ATP8B2: variants seen among roughly 807,000 people sequenced by gnomAD.
The protein encoded by ATP8B2 is ATPase phospholipid transporting 8B2.
In ATP8B2, 70 loss-of-function variants were observed where a neutral mutation model predicts 133.4. The observed-to-expected ratio is 0.52, with a 90% CI of 0.43 to 0.64. ATP8B2 has a LOEUF of 0.64. Among genes scored for constraint, ATP8B2 ranks in the 30% least tolerant of loss-of-function variants. The pLI, the probability that ATP8B2 is intolerant of heterozygous loss-of-function variation, is 0.00. For missense variants in ATP8B2, 1,101 were observed against 1,535.7 expected (o/e 0.72, Z 4.73); for synonymous variants, 517 against 589.5 (o/e 0.88, Z 1.78).
Position 154,344,528 on chromosome 1 carries a change from G to C in ATP8B2, c.2141+28G>C. On this transcript the variant is annotated intron_variant, in intron 20 of 27. Transcript: ENST00000368489. This position sits in a 1 kb window ranked among gnomAD's most constrained non-coding sequence, Gnocchi z 4.1. ...AAACAAGAAGCCCAGGGGAGGCGGT[G>C]CTGTGCGTTGTGCCCAGGGCTCAGG... The C allele has an allele frequency of 6.2e-7, 1 of 1,614,056 alleles. No individual in the cohort carries two copies. Among genetic ancestry groups the C allele is most frequent in the Non-Finnish European group, 8.5e-7 (1 of 1,179,978 alleles).
chr1:154,327,171 T>C (rs1197519841), intron 1 of ATP8B2, among the ~76,000 whole-genome samples: 1 of 152,114 alleles, frequency 6.6e-6, no homozygotes, highest in African/African-American at 2.4e-5. Context: ...GGGGTGTGCC[T>C]GGTAGGCTAA....
rs1686529559 is a variant in ATP8B2 at position 154,344,925 on chromosome 1, G to T, written c.2287-46G>T. 1 of 1,573,752 alleles carries T rather than the reference G, an allele frequency of 6.4e-7. No individual in the cohort carries two copies. Among genetic ancestry groups the T allele is most frequent in the African/African-American group, 1.4e-5 (1 of 73,748 alleles). On this transcript the variant is annotated intron_variant, in intron 21 of 27. Coordinates refer to ENST00000368489, the MANE Select transcript of ATP8B2 (RefSeq NM_001370597.1). This position sits in a 1 kb window ranked among gnomAD's most constrained non-coding sequence, Gnocchi z 4.1. ...GACTGGGAGGAGCTGAGACTCCCAG[G>T]TGTCTCCTGGAAAGACTGGCTCTCT...
chr1:154,329,929 T>C (rs112699507), intron 2 of ATP8B2, among the ~76,000 whole-genome samples: 2,398 of 152,192 alleles, frequency 0.016, 79 homozygotes, highest in African/African-American at 0.055. Context: ...GCCTCCTTCT[T>C]GCCACCTACC....
In ATP8B2 at chr1:154,331,442, A is replaced by C; in HGVS notation, c.304-2A>C. The C allele has an allele frequency of 6.2e-7, 1 of 1,613,904 alleles. No homozygotes were observed. Among genetic ancestry groups the C allele is most frequent in the East Asian group, 2.2e-5 (1 of 44,886 alleles). ...CTTACCTTTCAGTTTTCTTCTTTTC[A>C]GTTCCGCCACAAGAGCGATAACCAG... is the stretch of plus-strand genomic sequence containing the variant. On this transcript the variant is annotated splice_acceptor_variant, in intron 5 of 27. Coordinates refer to ENST00000368489, the MANE Select transcript of ATP8B2 (RefSeq NM_001370597.1). LOFTEE classifies it high-confidence loss of function. This position sits in a 1 kb window ranked among gnomAD's most constrained non-coding sequence, Gnocchi z 4.8.
rs1041834669 is a variant in ATP8B2, at chr1:154,345,181, G to C, written c.2470+27G>C. The C allele has an allele frequency of 1.9e-6, 3 of 1,607,336 alleles. No individual in the cohort carries two copies. Among genetic ancestry groups the C allele is most frequent in the Non-Finnish European group, 2.6e-6 (3 of 1,175,404 alleles). On this transcript the variant is annotated intron_variant, in intron 22 of 27. Transcript: ENST00000368489. The surrounding 1 kb of genome is among the most constrained non-coding windows in gnomAD (Gnocchi z 5.6). ...TGAGTGTGGGCTGTGCAGGTGTGTAGGCTGGGCTTGAGGCTGGGGAGGGGC... is the reference window on the plus strand; with the variant it reads ...TGAGTGTGGGCTGTGCAGGTGTGTACGCTGGGCTTGAGGCTGGGGAGGGGC...
chr1:154,341,918 G>A, intron 13 of ATP8B2: 1 of 155,142 alleles, frequency 6.4e-6, no homozygotes, highest in Non-Finnish European at 1.4e-5. Flanking sequence ...TGGCCTCTGG[G>A]CATCCTGGCC....
chr1:154,337,236 C>A, intron 11 of ATP8B2, 112 bp from the exon 12 acceptor site: 1 of 1,271,146 alleles, frequency 7.9e-7, no homozygotes, highest in Non-Finnish European at 1.1e-6. Context: ...GACAAGCTTG[C>A]ACTAGAGCAT....
In ATP8B2 at chr1:154,328,775, G is replaced by C; in HGVS notation, c.31+603G>C. 2.0e-6 allele frequency: 2 copies of C among 1,001,350 alleles called. No homozygotes were observed. Among genetic ancestry groups the C allele is most frequent in the Non-Finnish European group, 2.4e-6 (2 of 841,686 alleles). The allele number at this position is 1,001,350 out of a possible 1,614,324, so 62.0% of individuals were successfully genotyped here. On this transcript the variant is annotated intron_variant, in intron 2 of 27. Coordinates refer to ENST00000368489, the MANE Select transcript of ATP8B2 (RefSeq NM_001370597.1). This position sits in a 1 kb window ranked among gnomAD's most constrained non-coding sequence, Gnocchi z 4.6. ...CGCTGGCATCCGCCGGGGGGCATGG[G>C]GGGCGGCGGCGGCGGCGCAGCTGAG...
chr1:154,333,850 G>C (rs1381039100), intron 9 of ATP8B2, among the ~76,000 whole-genome samples: 2 of 122,356 alleles, frequency 1.6e-5, no homozygotes, highest in African/African-American at 5.1e-5. Flanking sequence ...GGCCAGGCTG[G>C]TCTCAAACTC....
chr1:154,346,185 A>G lies in ATP8B2; in HGVS notation c.2779-46A>G. 6.3e-7 allele frequency: 1 copy of G among 1,593,538 alleles called. No individual in the cohort carries two copies. Among genetic ancestry groups the G allele is most frequent in the African/African-American group, 1.3e-5 (1 of 74,676 alleles). Reference sequence around the variant, plus strand: ...CTGCCCTTGGTCATCCAGGGTCAAAACGGCAACCTCTGAGGCCCCCTATGC... The same window carrying G: ...CTGCCCTTGGTCATCCAGGGTCAAAGCGGCAACCTCTGAGGCCCCCTATGC... On this transcript the variant is annotated intron_variant, in intron 24 of 27. Transcript: ENST00000368489. This position sits in a 1 kb window ranked among gnomAD's most constrained non-coding sequence, Gnocchi z 4.5.
At position 154,346,423 on chromosome 1, in the gene ATP8B2, CA is replaced by C. The variant is rs1686587702; in HGVS notation, c.2972del (p.Gln991ArgfsTer78). 1 of 1,614,066 alleles carries C rather than the reference CA, an allele frequency of 6.2e-7. No homozygotes were observed. Among genetic ancestry groups the C allele is most frequent in the Admixed American group, 1.7e-5 (1 of 60,010 alleles). ...RDDGTQLADYQSFAVTVATSL... is the reference protein window; with the variant it reads ...RDDGTQLADYXSFAVTVATSL... ...TGATGGCACTCAGCTGGCTGACTAC[CA>C]GTCCTTTGCAGTCACTGTGGCCACA... On this transcript the variant is annotated frameshift_variant, in exon 25 of 28. Transcript: ENST00000368489. LOFTEE classifies it high-confidence loss of function. This position sits in a 1 kb window ranked among gnomAD's most constrained non-coding sequence, Gnocchi z 4.5.
chr1:154,345,059 T>C lies in ATP8B2; in HGVS notation c.2375T>C (p.Leu792Ser), dbSNP rs963809491. 8 of 1,614,054 alleles carry C rather than the reference T, an allele frequency of 5.0e-6. No homozygotes were observed. In the African/African-American group the frequency reaches 9.3e-5, roughly 19 times the overall value. ...KAVICCRVTPLQKAQVVELVK... is the reference protein window; with the variant it reads ...KAVICCRVTPSQKAQVVELVK... ...GTCATCTGCTGCCGGGTGACCCCCT[T>C]GCAGAAGGCACAGGTGGTAGAACTG... is the stretch of plus-strand genomic sequence containing the variant. The change falls in exon 22 of 28, where the codon TTG (leucine) becomes TCG (serine). Residue 792 changes from leucine (L) to serine (S), a missense_variant. Transcript: ENST00000368489. The surrounding 1 kb of genome is among the most constrained non-coding windows in gnomAD (Gnocchi z 5.6).
Position 154,340,323 on chromosome 1 carries a change from C to T in ATP8B2, c.1035-531C>T, listed in dbSNP as rs2149170031. On this transcript the variant is annotated intron_variant, in intron 12 of 27. Coordinates refer to ENST00000368489, the MANE Select transcript of ATP8B2 (RefSeq NM_001370597.1). The surrounding 1 kb of genome is among the most constrained non-coding windows in gnomAD (Gnocchi z 4.0). The stretch of plus-strand genomic sequence containing the variant: ...AGAATCAGGAATGTAGTGCCCCAAG[C>T]CCAGGGTGGAAGGAGCGCACCCAGC... Among the ~76,000 whole-genome samples the T allele has an allele frequency of 6.6e-6, 1 of 152,290 alleles. No individual in the cohort carries two copies. Among genetic ancestry groups the T allele is most frequent in the East Asian group, 1.9e-4 (1 of 5,178 alleles).
chr1:154,327,822 C>G (rs999960834), intron 1 of ATP8B2: 6 of 1,613,818 alleles, frequency 3.7e-6, no homozygotes, highest in Admixed American at 1.7e-5. Context: ...AGAGCTGTTC[C>G]CCTTTTTTCA....
Position 154,346,724 on chromosome 1 carries a change from C to T in ATP8B2, c.3129C>T (p.Leu1043=), listed in dbSNP as rs759592542. The change falls in exon 26 of 28, where the codon CTC becomes CTT. Residue 1043 remains leucine, a synonymous_variant. Transcript: ENST00000368489. The surrounding 1 kb of genome is among the most constrained non-coding windows in gnomAD (Gnocchi z 4.5). ...AILFAMHSNG[L]FDMFPNQFRF... Reference sequence around the variant, plus strand: ...TCTTTGCCATGCACAGCAATGGGCTCTTCGACATGTTTCCCAACCAGTTCC... The same window carrying T: ...TCTTTGCCATGCACAGCAATGGGCTTTTCGACATGTTTCCCAACCAGTTCC... 3 of 1,614,198 alleles carry T rather than the reference C, an allele frequency of 1.9e-6. No individual in the cohort carries two copies. Among genetic ancestry groups the T allele is most frequent in the South Asian group, 1.1e-5 (1 of 91,074 alleles).
chr1:154,331,296 C>T lies in ATP8B2; in HGVS notation c.304-148C>T. On this transcript the variant is annotated intron_variant, in intron 5 of 27. Coordinates refer to ENST00000368489, the MANE Select transcript of ATP8B2 (RefSeq NM_001370597.1). The surrounding 1 kb of genome is among the most constrained non-coding windows in gnomAD (Gnocchi z 4.8). The stretch of plus-strand genomic sequence containing the variant: ...CAGCTAGATCCATGATGTCTTTTTG[C>T]TGAGCGTGGGGAGAGGGAATCAGGG... 8.8e-7 allele frequency: 1 copy of T among 1,131,688 alleles called. No individual in the cohort carries two copies. Among genetic ancestry groups the T allele is most frequent in the Non-Finnish European group, 1.3e-6 (1 of 774,400 alleles). The allele number at this position is 1,131,688 out of a possible 1,614,324, so 70.1% of individuals were successfully genotyped here.
chr1:154,329,132 C>G (rs1685896638), intron 2 of ATP8B2: 3 of 1,207,734 alleles, frequency 2.5e-6, no homozygotes, highest in Middle Eastern at 2.3e-4. Context: ...CCCCTCCAAT[C>G]CCTACATTCA....
At chr1:154,341,905 C>T (rs1686397369) in intron 13 of ATP8B2, 1 of 154,668 alleles carries the variant, frequency 6.5e-6, no homozygotes, top group South Asian at 2.0e-4. Context: ...TGAAGTGAGA[C>T]ACTGGCCTCT....
chr1:154,348,345 A>C, intron 26 of ATP8B2, 63 bp from the exon 27 acceptor site: 1 of 1,538,594 alleles, frequency 6.5e-7, no homozygotes, highest in Middle Eastern at 1.7e-4. Context: ...GAGCTGCCAG[A>C]AATGGGAACG....
Sources: allele counts gnomAD v4.1 joint callset (sites outside exome capture counted in the v4.1 genomes callset), GRCh38; gene constraint gnomAD v4.1.1; non-coding constraint Gnocchi (gnomAD v3.1); transcripts MANE v1.5; gene names NCBI Gene and HGNC (gene_info 2026-07-23, HGNC 2026-07-21).